The following STPG2 variants were observed in gnomAD, a reference collection of about 807,000 sequenced individuals.
The protein encoded by STPG2 is sperm-tail PG-rich repeat-containing protein 2.
In STPG2, 56 loss-of-function variants were observed where a neutral mutation model predicts 54.2. That is an observed-to-expected ratio of 1.03 (90% CI 0.83 to 1.29). STPG2 has a LOEUF of 1.29. Ranked by LOEUF, STPG2 falls within the 50% of genes most tolerant of loss-of-function variation. STPG2 has a pLI of 0.00. For missense variants in STPG2, 596 were observed against 544.9 expected (o/e 1.09, Z -0.93); for synonymous variants, 200 against 181.8 (o/e 1.10, Z -0.81).
At chr4:98,113,106 T>C (rs1399881544) in intron 3 of STPG2, among the ~76,000 whole-genome samples, 1 of 149,584 alleles carries the variant, frequency 6.7e-6, no homozygotes, top group East Asian at 2.0e-4. Flanking sequence ...TCTAACAGAG[T>C]ATAACACGAA....
chr4:97,937,069 T>C (rs1732770387), intron 8 of STPG2, among the ~76,000 whole-genome samples: 1 of 152,134 alleles, frequency 6.6e-6, no homozygotes, highest in South Asian at 2.1e-4. Flanking sequence ...GGGGTTTTGT[T>C]TGTTCCTTTT....
intron 8 of STPG2, among the ~76,000 whole-genome samples, chr4:97,927,485 G>A (rs370597695): frequency 1.3e-5 from 2 of 151,780 alleles, no homozygotes; most frequent in Non-Finnish European, 2.9e-5. Context: ...AACTTCAACA[G>A]TATTGTTTAT....
chr4:98,022,751 G>A (rs1295611066), intron 5 of STPG2, among the ~76,000 whole-genome samples: 1 of 152,094 alleles, frequency 6.6e-6, no homozygotes, highest in Admixed American at 6.5e-5. Context: ...TTCCCTTCTT[G>A]CTTCATTTCA....
chr4:97,611,936 CAGAG>C lies in STPG2; in HGVS notation c.1321-52823_1321-52820del, dbSNP rs538711633. Among the ~76,000 whole-genome samples the C allele has an allele frequency of 8.2e-4, 124 of 151,788 alleles. 5 individuals are homozygous for C. The East Asian group carries it at 0.019, about 24-fold the overall frequency. ...AGAACAAAAGTAGAAGAAGCACTCACAGAGAGAAAGAGTGAATCTCTGAAATTAT... is the reference window on the plus strand; with the variant it reads ...AGAACAAAAGTAGAAGAAGCACTCACAGAAAGAGTGAATCTCTGAAATTAT... On this transcript the variant is annotated intron_variant, in intron 10 of 10. Coordinates refer to ENST00000295268, the MANE Select transcript of STPG2 (RefSeq NM_174952.3).
intron 9 of STPG2, among the ~76,000 whole-genome samples, chr4:97,838,777 A>C (rs1728707360): frequency 6.6e-6 from 1 of 151,560 alleles, no homozygotes; most frequent in African/African-American, 2.4e-5. Context: ...ATAATTCCAT[A>C]ATTACTACAA....
At chr4:97,561,669 T>C (rs189801002) in intron 10 of STPG2, among the ~76,000 whole-genome samples, 1 of 152,196 alleles carries the variant, frequency 6.6e-6, no homozygotes, top group Non-Finnish European at 1.5e-5. Context: ...GGCTAGCCAG[T>C]TTTCCCAGCA....
At chr4:97,933,103 T>A (rs898696029) in intron 8 of STPG2, among the ~76,000 whole-genome samples, 1 of 152,248 alleles carries the variant, frequency 6.6e-6, no homozygotes, top group Non-Finnish European at 1.5e-5. Flanking sequence ...TTGATTTGCA[T>A]TTTTCTAATG....
chr4:97,567,657 T>A (rs1732489979), intron 10 of STPG2, among the ~76,000 whole-genome samples: 1 of 151,932 alleles, frequency 6.6e-6, no homozygotes, highest in Non-Finnish European at 1.5e-5. Context: ...TCCATGTGGC[T>A]GTAAGAAGAG....
At chr4:97,911,980 G>T (rs1465102632) in intron 8 of STPG2, among the ~76,000 whole-genome samples, 1 of 152,204 alleles carries the variant, frequency 6.6e-6, no homozygotes, top group Non-Finnish European at 1.5e-5. Flanking sequence ...CCCTGAGGAA[G>T]GAGCAGGCTG....
intron 5 of STPG2, among the ~76,000 whole-genome samples, chr4:98,074,069 C>T (rs902198669): frequency 1.1e-4 from 17 of 152,036 alleles, no homozygotes; most frequent in African/African-American, 3.6e-4. Flanking sequence ...CTTTCAGTTC[C>T]CGCTGAAAAC....
chr4:97,696,726 G>C (rs1250146639), intron 10 of STPG2, among the ~76,000 whole-genome samples: 1 of 152,170 alleles, frequency 6.6e-6, no homozygotes, highest in Non-Finnish European at 1.5e-5. Flanking sequence ...GACAAGAGCA[G>C]ACAATTCTCA....
chr4:97,644,893 A>T (rs1163945970), intron 10 of STPG2, among the ~76,000 whole-genome samples: 1 of 152,024 alleles, frequency 6.6e-6, no homozygotes, highest in Non-Finnish European at 1.5e-5. Context: ...GAGATATTAA[A>T]GCTTTTGTCA....
intron 9 of STPG2, among the ~76,000 whole-genome samples, chr4:97,753,297 A>G (rs547032484): frequency 6.6e-6 from 1 of 151,988 alleles, no homozygotes; most frequent in African/African-American, 2.4e-5. Context: ...GAATTTGCCT[A>G]TTCTAGGTAC....
intron 8 of STPG2, among the ~76,000 whole-genome samples, chr4:97,849,915 T>C (rs1729095537): frequency 6.6e-6 from 1 of 152,100 alleles, no homozygotes; most frequent in Admixed American, 6.6e-5. Context: ...GCCATCTCAT[T>C]ACTGGGTATA....
intron 9 of STPG2, among the ~76,000 whole-genome samples, chr4:97,752,570 A>G (rs1350285995): frequency 6.6e-6 from 1 of 151,834 alleles, no homozygotes; most frequent in Non-Finnish European, 1.5e-5. Flanking sequence ...GCATAGAAGA[A>G]AATGTCCAAA....
intron 7 of STPG2, among the ~76,000 whole-genome samples, chr4:97,946,297 C>G (rs2149235205): frequency 6.6e-6 from 1 of 152,122 alleles, no homozygotes; most frequent in African/African-American, 2.4e-5. Context: ...GCATATTAGT[C>G]CTTTGCCCAA....
At chr4:97,663,427 AT>A (rs1261303986) in intron 10 of STPG2, among the ~76,000 whole-genome samples, 1 of 152,208 alleles carries the variant, frequency 6.6e-6, no homozygotes, top group Admixed American at 6.5e-5. Context: ...ATATCCTAAA[AT>A]TTGTTTATAA....
intron 7 of STPG2, among the ~76,000 whole-genome samples, chr4:97,968,122 T>C (rs1190881805): frequency 6.6e-6 from 1 of 151,818 alleles, no homozygotes; most frequent in Non-Finnish European, 1.5e-5. Flanking sequence ...GCAAGATTAA[T>C]AAAGAAGAAA....
chr4:97,690,453 C>G (rs1411226345), intron 10 of STPG2, among the ~76,000 whole-genome samples: 1 of 151,950 alleles, frequency 6.6e-6, no homozygotes, highest in Non-Finnish European at 1.5e-5. Flanking sequence ...TATAGTACCA[C>G]CAAGAGTAGG....
Sources: gnomAD v4.1 joint callset for allele counts (sites outside exome capture counted in the v4.1 genomes callset) on GRCh38, gnomAD v4.1.1 for gene constraint, MANE v1.5 for transcripts, NCBI Gene and HGNC (gene_info 2026-07-23, HGNC 2026-07-21) for gene names.